ZMIZ1: variants seen among roughly 807,000 people sequenced by gnomAD.
The protein encoded by ZMIZ1 is zinc finger MIZ domain-containing protein 1.
ZMIZ1 carries 17 observed loss-of-function variants against 113.9 expected under a neutral mutation model. That is an observed-to-expected ratio of 0.15 (90% CI 0.10 to 0.22). ZMIZ1 has a LOEUF of 0.22. Ranked by LOEUF, ZMIZ1 falls within the 10% of genes least tolerant of loss-of-function variation. ZMIZ1 has a pLI of 1.00. For missense variants in ZMIZ1, 1,059 were observed against 1,477.8 expected (o/e 0.72, Z 4.65); for synonymous variants, 607 against 603.1 (o/e 1.01, Z -0.09).
At chr10:79,237,601 C>G (rs898484419) in intron 7 of ZMIZ1, among the ~76,000 whole-genome samples, 25 of 152,142 alleles carry the variant, frequency 1.6e-4, no homozygotes, top group Admixed American at 1.5e-3. Context: ...TGGCATTGTC[C>G]CTGCATGCAT....
intron 1 of ZMIZ1, among the ~76,000 whole-genome samples, chr10:79,105,350 C>T (rs1256341664): frequency 6.6e-6 from 1 of 152,270 alleles, no homozygotes; most frequent in African/African-American, 2.4e-5. Flanking sequence ...GGCTTGGCCA[C>T]TGACTGCTGT....
chr10:79,076,710 G>C (rs978979940), intron 1 of ZMIZ1, among the ~76,000 whole-genome samples: 1 of 152,152 alleles, frequency 6.6e-6, no homozygotes, highest in Admixed American at 6.5e-5. Flanking sequence ...GGTGGTGCAC[G>C]CTTGTAGTCC....
chr10:79,101,502 G>A (rs1448177225), intron 1 of ZMIZ1, among the ~76,000 whole-genome samples: 3 of 152,310 alleles, frequency 2.0e-5, no homozygotes, highest in Admixed American at 2.0e-4. Flanking sequence ...AGAGAAGAAA[G>A]GCCAGGGCTA....
intron 3 of ZMIZ1, among the ~76,000 whole-genome samples, chr10:79,145,375 G>A (rs1845438445): frequency 6.6e-6 from 1 of 152,206 alleles, no homozygotes. Flanking sequence ...TGGGGGCTGG[G>A]GCCACCAGAG....
chr10:79,111,995 G>A (rs1843764101), intron 1 of ZMIZ1, among the ~76,000 whole-genome samples: 1 of 152,230 alleles, frequency 6.6e-6, no homozygotes, highest in South Asian at 2.1e-4. Context: ...AAAAAGTAAT[G>A]GCATAGGCAA....
intron 18 of ZMIZ1, among the ~76,000 whole-genome samples, chr10:79,303,193 C>T (rs1337987121): frequency 6.6e-6 from 1 of 151,432 alleles, no homozygotes; most frequent in Non-Finnish European, 1.5e-5. Flanking sequence ...GGACTGGGCA[C>T]AGTGGCTCAT....
intron 1 of ZMIZ1, among the ~76,000 whole-genome samples, chr10:79,100,112 C>G (rs1843308374): frequency 6.6e-6 from 1 of 152,098 alleles, no homozygotes; most frequent in African/African-American, 2.4e-5. Flanking sequence ...GAGTTTAGAG[C>G]CTCACTAGGG....
chr10:79,080,115 C>T (rs1842608042), intron 1 of ZMIZ1, among the ~76,000 whole-genome samples: 1 of 152,158 alleles, frequency 6.6e-6, no homozygotes. Flanking sequence ...CACTCTGCCT[C>T]CCTGCTCGCA....
chr10:79,268,353 T>C (rs1287480239), intron 7 of ZMIZ1, among the ~76,000 whole-genome samples: 2 of 152,302 alleles, frequency 1.3e-5, no homozygotes. Context: ...GACACATTCG[T>C]GATGAGATTC....
At chr10:79,231,885 G>A (rs1849409682) in intron 7 of ZMIZ1, among the ~76,000 whole-genome samples, 1 of 152,200 alleles carries the variant, frequency 6.6e-6, no homozygotes, top group Admixed American at 6.5e-5. Context: ...GTCATGCCTG[G>A]TGTTTTTAAT....
intron 1 of ZMIZ1, among the ~76,000 whole-genome samples, chr10:79,106,193 C>A (rs955574404): frequency 9.2e-5 from 14 of 152,236 alleles, no homozygotes; most frequent in Admixed American, 3.3e-4. Context: ...AGGGTCTAAG[C>A]TTGACACCAT....
intron 7 of ZMIZ1, among the ~76,000 whole-genome samples, chr10:79,263,674 G>T (rs572273548): frequency 1.5e-4 from 23 of 152,232 alleles, no homozygotes; most frequent in African/African-American, 5.1e-4. Context: ...GGTCCTGGGG[G>T]TTGTCACTGG....
intron 1 of ZMIZ1, among the ~76,000 whole-genome samples, chr10:79,074,357 C>T (rs1476024834): frequency 2.0e-5 from 3 of 152,142 alleles, no homozygotes; most frequent in Admixed American, 2.0e-4. Context: ...AAGGAGGAGC[C>T]ATTCTCAGGA....
chr10:79,294,936 A>AC (rs1589586724), intron 12 of ZMIZ1: 1 of 103,458 alleles, frequency 9.7e-6, no homozygotes, highest in African/African-American at 3.5e-5. Context: ...TCAGGAGGGG[A>AC]GAGAGAGGGG....
chr10:79,263,109 G>A (rs1055946092), intron 7 of ZMIZ1, among the ~76,000 whole-genome samples: 10 of 152,372 alleles, frequency 6.6e-5, no homozygotes, highest in Middle Eastern at 3.4e-3. Flanking sequence ...AAGGGAGCGC[G>A]TAAGTACCAC....
chr10:79,296,806 G>A lies in ZMIZ1; in HGVS notation c.1413+153G>A, dbSNP rs907430104. The A allele has an allele frequency of 3.3e-5, 20 of 599,504 alleles. No homozygotes were observed. The highest frequency in any genetic ancestry group is 4.4e-5 in the Non-Finnish European group (17 of 384,494). The allele number at this position is 599,504 out of a possible 1,614,324, so 37.1% of individuals were successfully genotyped here. ...CTGAACGTCCCCATGTGTTCAGGGC[G>A]AAGTTCGGTGGCCAGAATGTCAGAG... is the stretch of plus-strand genomic sequence containing the variant. On this transcript the variant is annotated intron_variant, in intron 13 of 24. Transcript: ENST00000334512. This position sits in a 1 kb window ranked among gnomAD's most constrained non-coding sequence, Gnocchi z 4.1.
At chr10:79,114,424 G>A (rs959713150) in intron 1 of ZMIZ1, among the ~76,000 whole-genome samples, 3 of 152,022 alleles carry the variant, frequency 2.0e-5, no homozygotes, top group African/African-American at 4.8e-5. Context: ...GGGGGAAGGC[G>A]GGTTCAGAGC....
intron 1 of ZMIZ1, among the ~76,000 whole-genome samples, chr10:79,090,043 C>T (rs990679064): frequency 6.6e-6 from 1 of 152,254 alleles, no homozygotes; most frequent in African/African-American, 2.4e-5. Context: ...ACAACCCCAC[C>T]TCTCCCTCAT....
intron 1 of ZMIZ1, among the ~76,000 whole-genome samples, chr10:79,098,289 G>A (rs1436827618): frequency 7.2e-5 from 11 of 152,174 alleles, no homozygotes; most frequent in Admixed American, 5.2e-4. Context: ...AGGCCCCAGC[G>A]GCATTGGAGA....
Sources: gnomAD v4.1 joint callset for allele counts (sites outside exome capture counted in the v4.1 genomes callset) on GRCh38, gnomAD v4.1.1 for gene constraint, Gnocchi (gnomAD v3.1) non-coding constraint, MANE v1.5 for transcripts, NCBI Gene and HGNC (gene_info 2026-07-23, HGNC 2026-07-21) for gene names.